Variants in DLGAP4 observed in about 807,000 individuals in gnomAD.
DLGAP4 encodes DLG associated protein 4, also known as disks large-associated protein 4.
DLGAP4 carries 18 observed loss-of-function variants against 86.9 expected under a neutral mutation model. The ratio of observed to expected loss-of-function variants is 0.21; its 90% CI spans 0.14 to 0.31. The LOEUF is 0.31. Ranked by LOEUF, DLGAP4 falls within the 10% of genes least tolerant of loss-of-function variation. The pLI is 1.00. For synonymous variants in DLGAP4, 548 were observed against 574.3 expected (o/e 0.95, Z 0.65); for missense variants, 1,085 against 1,362.6 (o/e 0.80, Z 3.21).
At chr20:36,397,992 G>A (rs2032048925) in intron 2 of DLGAP4, among the ~76,000 whole-genome samples, 1 of 152,146 alleles carries the variant, frequency 6.6e-6, no homozygotes, top group Non-Finnish European at 1.5e-5. Context: ...GTGGTGGCGG[G>A]CGCCTGTAAT....
At chr20:36,447,904 G>GA (rs1156718429) in intron 7 of DLGAP4, among the ~76,000 whole-genome samples, 11 of 131,592 alleles carry the variant, frequency 8.4e-5, no homozygotes, top group Admixed American at 1.5e-4. Context: ...AGGGGGGTGG[G>GA]GGGGGGGGAG....
chr20:36,377,625 TTC>T lies in DLGAP4; in HGVS notation c.-73+10352_-73+10353del, dbSNP rs553695117. Among the ~76,000 whole-genome samples the T allele has an allele frequency of 1.7e-4, 26 of 152,260 alleles. No homozygotes were observed. In the South Asian group the frequency reaches 5.2e-3, roughly 30 times the overall value. On this transcript the variant is annotated intron_variant, in intron 2 of 12. Coordinates refer to ENST00000339266, the MANE Select transcript of DLGAP4 (RefSeq NM_001365621.2). ...GCCTGCCTGCCCTTCGGGACCCACT[TTC>T]TGCCCTTCTCATTGCCACCGTCTCT...
At chr20:36,320,730 C>T (rs572449147) in intron 1 of DLGAP4, among the ~76,000 whole-genome samples, 2 of 152,280 alleles carry the variant, frequency 1.3e-5, no homozygotes, top group South Asian at 4.2e-4. Flanking sequence ...CCTCTGGGGG[C>T]TGCTGACTGG....
At position 36,513,464 on chromosome 20, in the gene DLGAP4, C is replaced by T. The variant is rs540133072; in HGVS notation, c.2513-10786C>T. 7.7e-4 allele frequency among the ~76,000 whole-genome samples: 112 copies of T among 144,602 alleles called. 4 individuals carry two copies. The East Asian group carries it at 0.016, about 21-fold the overall frequency. The allele number at this position is 144,602 out of a possible 152,430, so 94.9% of individuals were successfully genotyped here. A position where few individuals can be genotyped will look rare whatever the true frequency, so the allele number is the denominator to read the frequency against. ...TCGGGAGGCTGAGGCAGGAGAATGGCGTGAACCCGGGAAGCGGAGCTTGCA... is the reference window on the plus strand; with the variant it reads ...TCGGGAGGCTGAGGCAGGAGAATGGTGTGAACCCGGGAAGCGGAGCTTGCA... On this transcript the variant is annotated intron_variant, in intron 10 of 12. Transcript: ENST00000339266.
intron 2 of DLGAP4, among the ~76,000 whole-genome samples, chr20:36,421,873 G>A (rs921249929): frequency 2.0e-5 from 3 of 152,152 alleles, no homozygotes; most frequent in Admixed American, 1.3e-4. Flanking sequence ...CAGATTGGGC[G>A]GAAGATGTAA....
At chr20:36,344,431 C>T (rs2065415887) in intron 1 of DLGAP4, among the ~76,000 whole-genome samples, 1 of 152,176 alleles carries the variant, frequency 6.6e-6, no homozygotes, top group Admixed American at 6.5e-5. Flanking sequence ...GCTTACTGGG[C>T]CCCTCCATCT....
intron 7 of DLGAP4, among the ~76,000 whole-genome samples, chr20:36,478,528 G>T (rs1043098031): frequency 3.3e-5 from 5 of 152,182 alleles, no homozygotes; most frequent in African/African-American, 1.2e-4. Context: ...GGTAAAGTCT[G>T]TTTTCTCCAG....
chr20:36,308,523 T>C lies in DLGAP4; in HGVS notation c.-304+2011T>C, dbSNP rs1038147345. On this transcript the variant is annotated intron_variant, in intron 1 of 12. Coordinates refer to ENST00000339266, the MANE Select transcript of DLGAP4 (RefSeq NM_001365621.2). The surrounding 1 kb of genome is among the most constrained non-coding windows in gnomAD (Gnocchi z 4.5). ...GCTGCCTGGCAGCTGAGTTGGTGTT[T>C]TTGAAGGAAGGCTGTGCAGCACTTG... Among the ~76,000 whole-genome samples, 1 of 152,182 alleles carries C rather than the reference T, an allele frequency of 6.6e-6. No homozygotes were observed. Among genetic ancestry groups the C allele is most frequent in the African/African-American group, 2.4e-5 (1 of 41,454 alleles).
intron 1 of DLGAP4, among the ~76,000 whole-genome samples, chr20:36,365,377 T>G (rs1383382573): frequency 6.6e-6 from 1 of 152,270 alleles, no homozygotes; most frequent in Non-Finnish European, 1.5e-5. Flanking sequence ...ATGGTGAATC[T>G]TGAAATCTTT....
intron 7 of DLGAP4, among the ~76,000 whole-genome samples, chr20:36,472,340 A>C (rs2034704999): frequency 6.6e-6 from 1 of 151,938 alleles, no homozygotes; most frequent in South Asian, 2.1e-4. Context: ...CGTCTCTATA[A>C]AAAAATACAA....
chr20:36,366,727 G>GGAA (rs1049147084), intron 1 of DLGAP4, among the ~76,000 whole-genome samples: 1 of 152,206 alleles, frequency 6.6e-6, no homozygotes, highest in African/African-American at 2.4e-5. Context: ...GGGAAAAGGA[G>GGAA]GAAGAAGCAA....
intron 6 of DLGAP4, among the ~76,000 whole-genome samples, 184 bp downstream of exon 6, chr20:36,442,961 C>G (rs1252465270): frequency 6.6e-6 from 1 of 152,232 alleles, no homozygotes; most frequent in Non-Finnish European, 1.5e-5. Flanking sequence ...ACTCCCTACC[C>G]TTATTGCTTC....
intron 7 of DLGAP4, chr20:36,461,634 C>A: frequency 1.1e-6 from 1 of 931,740 alleles, no homozygotes; most frequent in Non-Finnish European, 1.3e-6. Context: ...GGAGCAGCCG[C>A]GGCCCCGCGA....
intron 1 of DLGAP4, among the ~76,000 whole-genome samples, chr20:36,321,400 C>T (rs1555890532): frequency 2.0e-5 from 3 of 152,198 alleles, no homozygotes; most frequent in South Asian, 2.1e-4. Context: ...TGGAGGGCTG[C>T]GGGGGAGTTT....
At chr20:36,419,637 G>T (rs938434417) in intron 2 of DLGAP4, among the ~76,000 whole-genome samples, 1 of 152,198 alleles carries the variant, frequency 6.6e-6, no homozygotes, top group African/African-American at 2.4e-5. Context: ...GGGGCTGCAG[G>T]ATCCCCTTCC....
At chr20:36,428,311 G>C (rs2033036541) in intron 2 of DLGAP4, among the ~76,000 whole-genome samples, 1 of 152,192 alleles carries the variant, frequency 6.6e-6, no homozygotes, top group Non-Finnish European at 1.5e-5. Context: ...TGCATGTCAA[G>C]TGCTCTGTGG....
intron 7 of DLGAP4, among the ~76,000 whole-genome samples, chr20:36,490,786 CA>C (rs748446086): frequency 2.1e-4 from 32 of 152,220 alleles, no homozygotes; most frequent in Non-Finnish European, 2.2e-4. Flanking sequence ...AAGACACATG[CA>C]GGGGGCTAGC....
At chr20:36,320,565 A>G (rs958065619) in intron 1 of DLGAP4, among the ~76,000 whole-genome samples, 2 of 152,118 alleles carry the variant, frequency 1.3e-5, no homozygotes, top group Admixed American at 1.3e-4. Flanking sequence ...CATGCCCTGC[A>G]TTGGAAAGCA....
At position 36,431,799 on chromosome 20, in the gene DLGAP4, G is replaced by A. The variant is rs374922768; in HGVS notation, c.82G>A (p.Asp28Asn). Residue 28 changes from aspartate (D) to asparagine (N), a missense_variant, in exon 3 of 13, where the codon GAC (aspartate) becomes AAC (asparagine). Coordinates refer to ENST00000339266, the MANE Select transcript of DLGAP4 (RefSeq NM_001365621.2). The surrounding 1 kb of genome is among the most constrained non-coding windows in gnomAD (Gnocchi z 5.1). ...PPHEPLFAGT[D>N]RNPYLLSPTE... ...CCACGAGCCCCTGTTTGCAGGGACC[G>A]ACCGCAACCCCTACCTGCTGTCGCC... 10 of 1,613,500 alleles carry A rather than the reference G, an allele frequency of 6.2e-6. No individual in the cohort carries two copies. The South Asian group carries it at 6.6e-5, about 11-fold the overall frequency.
Sources: gnomAD v4.1 joint callset for allele counts (sites outside exome capture counted in the v4.1 genomes callset) on GRCh38, gnomAD v4.1.1 for gene constraint, Gnocchi (gnomAD v3.1) non-coding constraint, MANE v1.5 for transcripts, NCBI Gene and HGNC (gene_info 2026-07-23, HGNC 2026-07-21) for gene names.